The following PCDHGA5 variants were observed in gnomAD, a reference collection of about 807,000 sequenced individuals.
PCDHGA5 encodes protocadherin gamma subfamily A, 5, also known as protocadherin gamma-A5.
A neutral mutation model predicts 56.7 loss-of-function variants in PCDHGA5; 36 were observed. The observed-to-expected ratio is 0.64, with a 90% CI of 0.49 to 0.84. The LOEUF (loss-of-function observed/expected upper bound fraction) is 0.84, where lower values mean the gene tolerates loss of function less well. Among genes scored for constraint, PCDHGA5 ranks in the 40% least tolerant of loss-of-function variants. PCDHGA5 has a pLI of 0.00. For synonymous variants in PCDHGA5, 563 were observed against 520.2 expected (o/e 1.08, Z -1.12); for missense variants, 1,305 against 1,201.5 (o/e 1.09, Z -1.27).
intron 1 of PCDHGA5, chr5:141,415,740 GTTTTTT>G (rs57426385): frequency 0.053 from 32,266 of 613,620 alleles, 66 homozygotes; most frequent in South Asian, 0.061. Flanking sequence ...GTTTATTAAG[GTTTTTT>G]TTTTTTTTTT....
At chr5:141,435,306 T>C (rs2154556603) in intron 1 of PCDHGA5, among the ~76,000 whole-genome samples, 1 of 152,358 alleles carries the variant, frequency 6.6e-6, no homozygotes, top group East Asian at 1.9e-4. Flanking sequence ...TGGTTTTAAA[T>C]CATTCATGAA....
chr5:141,506,444 CAAAAAA>C (rs1219684339), intron 3 of PCDHGA5, among the ~76,000 whole-genome samples: 1 of 95,026 alleles, frequency 1.1e-5, no homozygotes, highest in African/African-American at 4.0e-5. Flanking sequence ...CGCTCTGTCT[CAAAAAA>C]AAAAAAAAAA....
rs559636619 is a variant in PCDHGA5 at position 141,371,768 on chromosome 5, C to A, written c.2421+5017C>A. ...CCGTTTTCCACCAGGCCTCCTACAC[C>A]GTGCATGTAGCTGAGAACAATCCGC... On this transcript the variant is annotated intron_variant, in intron 1 of 3. Coordinates refer to ENST00000518069, the MANE Select transcript of PCDHGA5 (RefSeq NM_018918.3). 6.8e-6 allele frequency: 11 copies of A among 1,614,032 alleles called. No homozygotes were observed. The South Asian group carries it at 7.7e-5, about 11-fold the overall frequency.
intron 1 of PCDHGA5, among the ~76,000 whole-genome samples, chr5:141,488,348 C>G (rs1231687770): frequency 3.2e-4 from 49 of 152,106 alleles, no homozygotes; most frequent in Admixed American, 3.2e-3. Context: ...TAGAAACAGC[C>G]ACCCTGTGCA....
chr5:141,511,276 T>C lies in PCDHGA5; in HGVS notation c.*103T>C. On this transcript the variant is annotated 3_prime_UTR_variant, in exon 4 of 4. Coordinates refer to ENST00000518069, the MANE Select transcript of PCDHGA5 (RefSeq NM_018918.3). ...AGAGTTTCAGGGCTAACCCCCAGAA[T>C]ACTGGTAGGGGCCAAGGCCATGCTC... 6.5e-7 allele frequency: 1 copy of C among 1,538,084 alleles called. No homozygotes were observed. Among genetic ancestry groups the C allele is most frequent in the Non-Finnish European group, 8.8e-7 (1 of 1,140,720 alleles).
At position 141,485,100 on chromosome 5, in the gene PCDHGA5, C is replaced by G. The variant is rs900224386; in HGVS notation, c.2422-9707C>G. 1.0e-5 allele frequency: 12 copies of G among 1,148,882 alleles called. No homozygotes were observed. Among genetic ancestry groups the G allele is most frequent in the Non-Finnish European group, 1.4e-5 (11 of 778,894 alleles). 71.2% of individuals were successfully genotyped at this position (1,148,882 alleles called of 1,614,324 possible). On this transcript the variant is annotated intron_variant, in intron 1 of 3. Coordinates refer to ENST00000518069, the MANE Select transcript of PCDHGA5 (RefSeq NM_018918.3). This position sits in a 1 kb window ranked among gnomAD's most constrained non-coding sequence, Gnocchi z 5.7. ...GGGAAAGGGAGATAGGTGTCTCCAG[C>G]TGCTGTGGCTGTTTGGGGCGGGTCG...
chr5:141,388,510 A>T, intron 1 of PCDHGA5: 5 of 1,613,846 alleles, frequency 3.1e-6, no homozygotes, highest in Non-Finnish European at 4.2e-6. Context: ...AAATCCTACC[A>T]CTTGACTTTG....
At chr5:141,470,957 TCCTCCCACCTCAG>T (rs2099244488) in intron 1 of PCDHGA5, among the ~76,000 whole-genome samples, 1 of 152,026 alleles carries the variant, frequency 6.6e-6, no homozygotes, top group South Asian at 2.1e-4. Flanking sequence ...CCTCAAGTGA[TCCTCCCACCTCAG>T]CCTCCCAAAG....
chr5:141,487,477 C>A lies in PCDHGA5; in HGVS notation c.2422-7330C>A, dbSNP rs748435479. On this transcript the variant is annotated intron_variant, in intron 1 of 3. Transcript: ENST00000518069. The surrounding 1 kb of genome is among the most constrained non-coding windows in gnomAD (Gnocchi z 5.0). ...TCAAGTTTGTTGATGTGGGAGGCCA[C>A]TCTCATGGCTGTACACCCTTGGCTT... 1 of 1,614,200 alleles carries A rather than the reference C, an allele frequency of 6.2e-7. No individual in the cohort carries two copies. The highest frequency in any genetic ancestry group is 1.7e-5 in the Admixed American group (1 of 60,030).
Position 141,491,954 on chromosome 5 carries a change from C to A in PCDHGA5, c.2422-2853C>A. ...TGGGACCGACCCCCACCCCTACACT[C>A]AAAAAAGGCCGGGGCCTCCTTCGAG... On this transcript the variant is annotated intron_variant, in intron 1 of 3. Transcript: ENST00000518069. This position sits in a 1 kb window ranked among gnomAD's most constrained non-coding sequence, Gnocchi z 6.9. The A allele has an allele frequency of 9.7e-7, 1 of 1,032,914 alleles. No individual in the cohort carries two copies. Among genetic ancestry groups the A allele is most frequent in the Non-Finnish European group, 1.3e-6 (1 of 747,256 alleles). The allele number at this position is 1,032,914 out of a possible 1,614,324, so 64.0% of individuals were successfully genotyped here.
Position 141,487,856 on chromosome 5 carries a change from T to C in PCDHGA5, c.2422-6951T>C. The C allele has an allele frequency of 2.0e-6, 2 of 977,364 alleles. No homozygotes were observed. The highest frequency in any genetic ancestry group is 3.0e-6 in the Non-Finnish European group (2 of 671,858). 60.5% of individuals were successfully genotyped at this position (977,364 alleles called of 1,614,324 possible). A position where few individuals can be genotyped will look rare whatever the true frequency, so the allele number is the denominator to read the frequency against. Reference sequence around the variant, plus strand: ...ATATCTGAGTAAGAAATGAAAGTAATTGGTGATCAAGAGCCAGGCTGTTGT... The same window carrying C: ...ATATCTGAGTAAGAAATGAAAGTAACTGGTGATCAAGAGCCAGGCTGTTGT... On this transcript the variant is annotated intron_variant, in intron 1 of 3. Transcript: ENST00000518069. The surrounding 1 kb of genome is among the most constrained non-coding windows in gnomAD (Gnocchi z 5.0).
At chr5:141,470,872 T>TTTTTTG (rs900302332) in intron 1 of PCDHGA5, among the ~76,000 whole-genome samples, 2 of 151,814 alleles carry the variant, frequency 1.3e-5, no homozygotes, top group Admixed American at 1.3e-4. Context: ...GTTTGTTTGT[T>TTTTTTG]TTTTTGTTTT....
At chr5:141,374,759 G>A (rs761534482) in intron 1 of PCDHGA5, 1 of 1,613,112 alleles carries the variant, frequency 6.2e-7, no homozygotes, top group Non-Finnish European at 8.5e-7. Flanking sequence ...CTCAAGCGTC[G>A]CCCAAATTCT....
At chr5:141,423,094 C>CGCGTGCGT (rs2096708722) in intron 1 of PCDHGA5, 4 of 1,613,860 alleles carry the variant, frequency 2.5e-6, no homozygotes, top group African/African-American at 2.7e-5. Flanking sequence ...GGTGGGGGAG[C>CGCGTGCGT]ACACGGGCGA....
intron 1 of PCDHGA5, among the ~76,000 whole-genome samples, chr5:141,454,194 G>A (rs949915652): frequency 6.6e-5 from 10 of 152,304 alleles, no homozygotes; most frequent in Non-Finnish European, 4.4e-5. Context: ...CTTAGTGAAG[G>A]TGAATTTATT....
chr5:141,442,870 T>A (rs942975420), intron 1 of PCDHGA5, among the ~76,000 whole-genome samples: 1 of 152,192 alleles, frequency 6.6e-6, no homozygotes, highest in African/African-American at 2.4e-5. Flanking sequence ...AGATGTAAAT[T>A]TACAACTCAG....
chr5:141,420,099 C>T (rs750814136), intron 1 of PCDHGA5: 4 of 1,613,996 alleles, frequency 2.5e-6, no homozygotes, highest in South Asian at 2.2e-5. Flanking sequence ...AGTGAGGGAA[C>T]GTTGCCCTAT....
intron 1 of PCDHGA5, chr5:141,414,233 T>C: frequency 1.2e-6 from 2 of 1,613,474 alleles, no homozygotes; most frequent in African/African-American, 2.7e-5. Context: ...GAGCTGACCA[T>C]CACGTCTCTA....
intron 1 of PCDHGA5, chr5:141,409,784 T>G: frequency 3.1e-6 from 5 of 1,612,248 alleles, no homozygotes; most frequent in Non-Finnish European, 4.2e-6. Flanking sequence ...GCTGCGCGCC[T>G]TCGCGCTCAC....
Sources: allele counts gnomAD v4.1 joint callset (sites outside exome capture counted in the v4.1 genomes callset), GRCh38; gene constraint gnomAD v4.1.1; non-coding constraint Gnocchi (gnomAD v3.1); transcripts MANE v1.5; gene names NCBI Gene and HGNC (gene_info 2026-07-23, HGNC 2026-07-21).